STARD13: variants seen among roughly 807,000 people sequenced by gnomAD.
STARD13 encodes stAR-related lipid transfer protein 13.
STARD13 carries 62 observed loss-of-function variants against 106.4 expected under a neutral mutation model. That is an observed-to-expected ratio of 0.58 (90% CI 0.48 to 0.72). The LOEUF (loss-of-function observed/expected upper bound fraction) is 0.72. Among genes scored for constraint, STARD13 ranks in the 30% least tolerant of loss-of-function variants. The probability of loss-of-function intolerance (pLI) is 0.00; values close to 1 mark genes in which losing one functional copy is unlikely to be tolerated. For synonymous variants in STARD13, 565 were observed against 553.0 expected, an observed-to-expected ratio of 1.02 and a Z score of -0.31; for missense variants, 1,387 against 1,424.0, an observed-to-expected ratio of 0.97 and a Z score of 0.42.
chr13:33,474,419 A>G, the STARD13 span, among the ~76,000 whole-genome samples: 4 of 152,208 alleles, frequency 2.6e-5, no homozygotes, highest in Non-Finnish European at 5.9e-5. Flanking sequence ...TTGCTATCTC[A>G]TGACTAGAAT....
At chr13:33,113,037 T>C (rs1220143624) in intron 8 of STARD13, 106 bp from the exon 9 acceptor site, 4 of 788,598 alleles carry the variant, frequency 5.1e-6, no homozygotes, top group Non-Finnish European at 7.9e-6. Context: ...GCACCCAGAG[T>C]CATCATCAAC....
At chr13:33,209,479 A>G (rs1594109481) in intron 1 of STARD13, among the ~76,000 whole-genome samples, 1 of 150,250 alleles carries the variant, frequency 6.7e-6, no homozygotes, top group African/African-American at 2.5e-5. Flanking sequence ...TCCAAATTCC[A>G]GGGCCTAAGA....
Position 33,165,429 on chromosome 13 carries a change from A to T in STARD13, c.242-11T>A, listed in dbSNP as rs1200758185. On this transcript the variant is annotated splice_polypyrimidine_tract_variant and intron_variant, in intron 2 of 13. Transcript: ENST00000336934. ...TGGGAAATTGTGAATCTGAGAGAGA[A>T]AGACAAAGAAGTTGATGTACTTTGT... 1.2e-6 allele frequency: 2 copies of T among 1,603,724 alleles called. No individual in the cohort carries two copies. The highest frequency in any genetic ancestry group is 3.3e-5 in the Admixed American group (2 of 60,006).
At chr13:33,131,513 G>A (rs931654292) in intron 4 of STARD13, among the ~76,000 whole-genome samples, 9 of 151,728 alleles carry the variant, frequency 5.9e-5, no homozygotes, top group Admixed American at 2.0e-4. Context: ...ATCAAGAGCC[G>A]GGCCTGCTAC....
At chr13:33,407,113 A>T in the STARD13 span, among the ~76,000 whole-genome samples, 1 of 152,212 alleles carries the variant, frequency 6.6e-6, no homozygotes, top group African/African-American at 2.4e-5. Flanking sequence ...TAGCCAGTTT[A>T]ACCCACGGTC....
chr13:33,184,866 A>G (rs1186431733), intron 1 of STARD13, among the ~76,000 whole-genome samples: 1 of 152,250 alleles, frequency 6.6e-6, no homozygotes, highest in Non-Finnish European at 1.5e-5. Flanking sequence ...CAAATGGGAG[A>G]AGAAAATAAA....
At chr13:33,487,737 C>T in the STARD13 span, among the ~76,000 whole-genome samples, 1 of 152,162 alleles carries the variant, frequency 6.6e-6, no homozygotes, top group South Asian at 2.1e-4. Flanking sequence ...GCTTGCCTTG[C>T]CCTCCAAAGC....
At chr13:33,449,640 A>G in the STARD13 span, among the ~76,000 whole-genome samples, 1 of 152,178 alleles carries the variant, frequency 6.6e-6, no homozygotes, top group East Asian at 1.9e-4. Flanking sequence ...TTTGTGAAGA[A>G]TGTCACTGGT....
the STARD13 span, among the ~76,000 whole-genome samples, chr13:33,594,880 T>C: frequency 5.3e-5 from 8 of 152,352 alleles, no homozygotes; most frequent in Admixed American, 1.3e-4. Context: ...TGACTGTATG[T>C]GTATACTGCA....
the STARD13 span, among the ~76,000 whole-genome samples, chr13:33,630,169 A>C: frequency 6.6e-6 from 1 of 152,188 alleles, no homozygotes; most frequent in African/African-American, 2.4e-5. Context: ...GTGCAAGAGG[A>C]ATAGAAAAAT....
At chr13:33,225,763 A>AC (rs924940902) in intron 1 of STARD13, among the ~76,000 whole-genome samples, 7 of 152,082 alleles carry the variant, frequency 4.6e-5, no homozygotes, top group African/African-American at 1.7e-4. Context: ...TAAAAAAAAA[A>AC]CAACTCTTCG....
upstream of STARD13, among the ~76,000 whole-genome samples, chr13:33,287,684 C>T (rs895345267): frequency 3.3e-5 from 5 of 152,116 alleles, no homozygotes; most frequent in African/African-American, 9.7e-5. Context: ...CACCGGTGGC[C>T]GTCCAATTAA....
chr13:33,469,595 G>C, the STARD13 span, among the ~76,000 whole-genome samples: 1 of 152,238 alleles, frequency 6.6e-6, no homozygotes, highest in East Asian at 1.9e-4. Flanking sequence ...CTGTGAAATA[G>C]AGACACTGGC....
chr13:33,141,217 G>A (rs1294707318), intron 4 of STARD13, among the ~76,000 whole-genome samples: 1 of 152,216 alleles, frequency 6.6e-6, no homozygotes, highest in African/African-American at 2.4e-5. Flanking sequence ...AAGAGAGGCT[G>A]TACAGCACTT....
At chr13:33,173,405 A>G (rs565197066) in intron 1 of STARD13, among the ~76,000 whole-genome samples, 1 of 152,344 alleles carries the variant, frequency 6.6e-6, no homozygotes, top group Non-Finnish European at 1.5e-5. Context: ...AATCATTAAT[A>G]TTACATAGAA....
intron 1 of STARD13, among the ~76,000 whole-genome samples, chr13:33,342,130 T>A (rs1435481199): frequency 6.6e-6 from 1 of 152,182 alleles, no homozygotes; most frequent in East Asian, 1.9e-4. Context: ...GTTATCTATT[T>A]ATATGCTCTG....
At chr13:33,311,997 T>C (rs925008601) in intron 1 of STARD13, among the ~76,000 whole-genome samples, 1 of 152,256 alleles carries the variant, frequency 6.6e-6, no homozygotes, top group Non-Finnish European at 1.5e-5. Context: ...AAAAAGTTAA[T>C]GCTACAGGAT....
At chr13:33,482,287 A>C in the STARD13 span, among the ~76,000 whole-genome samples, 1 of 152,156 alleles carries the variant, frequency 6.6e-6, no homozygotes, top group South Asian at 2.1e-4. Flanking sequence ...CTACTCTTCT[A>C]TCTAGTCTTG....
At chr13:33,488,469 T>A in the STARD13 span, among the ~76,000 whole-genome samples, 1 of 152,204 alleles carries the variant, frequency 6.6e-6, no homozygotes, top group Non-Finnish European at 1.5e-5. Flanking sequence ...GTCTACAACA[T>A]CTTATTTCCA....
Sources: allele counts gnomAD v4.1 joint callset (sites outside exome capture counted in the v4.1 genomes callset), GRCh38; gene constraint gnomAD v4.1.1; transcripts MANE v1.5; gene names NCBI Gene and HGNC (gene_info 2026-07-23, HGNC 2026-07-21).